Variants in ARHGEF18 observed in about 807,000 individuals in gnomAD.
The protein encoded by ARHGEF18 is Rho/Rac guanine nucleotide exchange factor 18.
In ARHGEF18, 93 loss-of-function variants were observed where a neutral mutation model predicts 155.7. The observed-to-expected ratio is 0.60, with a 90% CI of 0.50 to 0.71. The LOEUF is 0.71. ARHGEF18 is among the 30% of genes least tolerant of loss of function. ARHGEF18 has a pLI of 0.00. For missense variants in ARHGEF18, 1,593 were observed against 1,816.1 expected, an observed-to-expected ratio of 0.88 and a Z score of 2.23; for synonymous variants, 742 against 753.1, an observed-to-expected ratio of 0.99 and a Z score of 0.24.
In ARHGEF18 at chr19:7,382,774, T is replaced by A. The variant is rs1167378514; in HGVS notation, c.723-18T>A. ...GGCCCCTGGCCCCCTCTAGTGGACC[T>A]TCCCTCTCGTCCCTCAGGAGCGAGG... On this transcript the variant is annotated intron_variant, in intron 8 of 28. Transcript: ENST00000668164. 1.6e-6 allele frequency: 2 copies of A among 1,231,926 alleles called. No individual in the cohort carries two copies. The highest frequency in any genetic ancestry group is 2.0e-6 in the Non-Finnish European group (2 of 987,800). 76.3% of individuals were successfully genotyped at this position (1,231,926 alleles called of 1,614,324 possible). A position where few individuals can be genotyped will look rare whatever the true frequency, so the allele number is the denominator to read the frequency against.
chr19:7,376,678 G>A lies in ARHGEF18; in HGVS notation c.462G>A (p.Arg154=). Residue 154 remains arginine (R), a synonymous_variant, in exon 5 of 29, where the codon AGG becomes AGA. Coordinates refer to ENST00000668164, the MANE Select transcript of ARHGEF18 (RefSeq NM_001367823.1). ...CDSPKKRGRS[R]SVPVSFYEIR... is the part of the protein sequence containing the mutation. ...GCCCCAAGAAAAGAGGGAGGTCAAGGTCCGTTCCTGTGTCCTTCTATGAGA... is the reference window on the plus strand; with the variant it reads ...GCCCCAAGAAAAGAGGGAGGTCAAGATCCGTTCCTGTGTCCTTCTATGAGA... 8.1e-7 allele frequency: 1 copy of A among 1,234,458 alleles called. No homozygotes were observed. The highest frequency in any genetic ancestry group is 4.1e-5 in the South Asian group (1 of 24,420). The allele number at this position is 1,234,458 out of a possible 1,614,324, so 76.5% of individuals were successfully genotyped here. A position where few individuals can be genotyped will look rare whatever the true frequency, so the allele number is the denominator to read the frequency against.
chr19:7,379,199 C>G, intron 7 of ARHGEF18, 33 bp downstream of exon 7: 3 of 1,230,338 alleles, frequency 2.4e-6, no homozygotes, highest in Non-Finnish European at 3.0e-6. Context: ...TTGAGGGGAG[C>G]AAAGTGGGAG....
At position 7,462,828 on chromosome 19, in the gene ARHGEF18, T is replaced by C. The variant is rs1976364754; in HGVS notation, c.2635+494T>C. ...CAGCGCCCAGTCTGCTCTTTCTTTT[T>C]TTCTTTTCTTTTTTTTTTTTTTTTT... On this transcript the variant is annotated intron_variant, in intron 21 of 28. Transcript: ENST00000668164. This position sits in a 1 kb window ranked among gnomAD's most constrained non-coding sequence, Gnocchi z 4.4. 7.5e-6 allele frequency among the ~76,000 whole-genome samples: 1 copy of C among 133,456 alleles called. No individual in the cohort carries two copies. The highest frequency in any genetic ancestry group is 1.5e-5 in the Non-Finnish European group (1 of 65,102). The allele number at this position is 133,456 out of a possible 152,430, so 87.6% of individuals were successfully genotyped here.
rs1358787081 is a variant in ARHGEF18, at chr19:7,451,133, GCTTT to G, written c.1738-13_1738-10del. On this transcript the variant is annotated splice_polypyrimidine_tract_variant and intron_variant, in intron 15 of 28. Transcript: ENST00000668164. ...TTCTGAGATGTTAATACAGGATCTTGCTTTCTGTTTCCTAGAAAATTGGCAACTT... is the reference window on the plus strand; with the variant it reads ...TTCTGAGATGTTAATACAGGATCTTGCTGTTTCCTAGAAAATTGGCAACTT... The G allele has an allele frequency of 1.3e-6, 2 of 1,541,806 alleles. No homozygotes were observed. Among genetic ancestry groups the G allele is most frequent in the South Asian group, 1.1e-5 (1 of 88,752 alleles).
chr19:7,384,365 G>A (rs781674778), intron 10 of ARHGEF18, among the ~76,000 whole-genome samples: 12 of 152,192 alleles, frequency 7.9e-5, no homozygotes, highest in Non-Finnish European at 1.8e-4. Flanking sequence ...GAATCAATGG[G>A]TGAATGAGAT....
At chr19:7,477,259 G>C, downstream of ARHGEF18, 1 of 1,584,036 alleles carries the variant, frequency 6.3e-7, no homozygotes, top group Non-Finnish European at 8.6e-7. Flanking sequence ...ACATGCTGAG[G>C]ATTGAGGAGA....
chr19:7,466,804 CA>C (rs965666634), intron 23 of ARHGEF18, 113 bp from the exon 24 acceptor site: 52,410 of 486,502 alleles, frequency 0.11, 18 homozygotes, highest in Middle Eastern at 0.14. Flanking sequence ...AATTCCGTCT[CA>C]AAAAAAAAAA....
intron 1 of ARHGEF18, among the ~76,000 whole-genome samples, chr19:7,351,390 C>T (rs1307325972): frequency 2.0e-5 from 3 of 152,174 alleles, no homozygotes; most frequent in Admixed American, 1.3e-4. Flanking sequence ...GTGGCACGAT[C>T]TCGGCTCACT....
At chr19:7,358,240 T>TCCATCCATCCAC (rs1568261553) in intron 1 of ARHGEF18, among the ~76,000 whole-genome samples, 33 of 148,862 alleles carry the variant, frequency 2.2e-4, no homozygotes, top group Non-Finnish European at 2.2e-4. Context: ...CATCCATCCA[T>TCCATCCATCCAC]CCACCCATCC....
Position 7,442,477 on chromosome 19 carries a change from C to T in ARHGEF18, c.1360+425C>T, listed in dbSNP as rs138683499. Among the ~76,000 whole-genome samples the T allele has an allele frequency of 2.4e-3, 360 of 152,264 alleles. 3 individuals are homozygous for T. Among genetic ancestry groups the T allele is most frequent in the African/African-American group, 7.9e-3 (330 of 41,544 alleles). On this transcript the variant is annotated intron_variant, in intron 13 of 28. Coordinates refer to ENST00000668164, the MANE Select transcript of ARHGEF18 (RefSeq NM_001367823.1). Reference sequence around the variant, plus strand: ...CTCAATCTCCTGAGCTCAAGTGACCCGCCCGCCTGGGCCTCCCAAACTATT... The same window carrying T: ...CTCAATCTCCTGAGCTCAAGTGACCTGCCCGCCTGGGCCTCCCAAACTATT...
intron 10 of ARHGEF18, among the ~76,000 whole-genome samples, chr19:7,400,625 G>C (rs1971982711): frequency 6.6e-6 from 1 of 152,142 alleles, no homozygotes; most frequent in South Asian, 2.1e-4. Context: ...TTCAGGCCAG[G>C]AGTTCAAGAC....
In ARHGEF18 at chr19:7,444,346, G is replaced by T; in HGVS notation, c.1503G>T (p.Thr501=). The T allele has an allele frequency of 1.2e-6, 2 of 1,613,584 alleles. No individual in the cohort carries two copies. Among genetic ancestry groups the T allele is most frequent in the South Asian group, 1.1e-5 (1 of 91,088 alleles). Reference sequence around the variant, plus strand: ...CATGCGCTGACGACCTGCTGGAGACGCACAGCCACTTCCTCGCTCGGCTCA... The same window carrying T: ...CATGCGCTGACGACCTGCTGGAGACTCACAGCCACTTCCTCGCTCGGCTCA... ...LFPCADDLLE[T]HSHFLARLKE... is the part of the protein sequence containing the mutation. Residue 501 remains threonine (T), a synonymous_variant, in exon 14 of 29, where the codon ACG becomes ACT. Transcript: ENST00000668164. This position sits in a 1 kb window ranked among gnomAD's most constrained non-coding sequence, Gnocchi z 4.7.
chr19:7,386,151 C>T lies in ARHGEF18; in HGVS notation c.967+2948C>T, dbSNP rs1218667230. 3.3e-5 allele frequency among the ~76,000 whole-genome samples: 5 copies of T among 149,710 alleles called. No individual in the cohort carries two copies. In the Admixed American group the frequency reaches 3.4e-4, roughly 10 times the overall value. On this transcript the variant is annotated intron_variant, in intron 10 of 28. Transcript: ENST00000668164. ...CCTCCCACCTCAGCCTCACAAATAC[C>T]TGGGACCACATGCATATATAACCAC...
At chr19:7,417,788 C>A (rs114935070) in intron 10 of ARHGEF18, among the ~76,000 whole-genome samples, 1,524 of 151,932 alleles carry the variant, frequency 0.01, 17 homozygotes, top group African/African-American at 0.021. Context: ...TGGAGGAGGC[C>A]GGGGTGGGTG....
chr19:7,355,617 G>A (rs748804135), intron 1 of ARHGEF18: 223 of 985,292 alleles, frequency 2.3e-4, no homozygotes, highest in Non-Finnish European at 2.6e-4. Context: ...TCACACGCAC[G>A]CATGGCCCCC....
Position 7,467,273 on chromosome 19 carries a change from G to T in ARHGEF18, c.3069G>T (p.Arg1023=). Residue 1023 remains arginine, a synonymous_variant, in exon 26 of 29, where the codon CGG becomes CGT. Coordinates refer to ENST00000668164, the MANE Select transcript of ARHGEF18 (RefSeq NM_001367823.1). ...CGCAGCGGGCTGCCATCCAGGAGCG[G>T]GAGAAGCAGTTCCGGCTGCAGTCGA... is the stretch of plus-strand genomic sequence containing the variant. ...VETQRAAIQE[R]EKQFRLQSTR... is the part of the protein sequence containing the mutation. 1 of 1,557,782 alleles carries T rather than the reference G, an allele frequency of 6.4e-7. No individual in the cohort carries two copies.
At chr19:7,397,506 G>C (rs112634049) in intron 10 of ARHGEF18, among the ~76,000 whole-genome samples, 3,415 of 151,926 alleles carry the variant, frequency 0.022, 134 homozygotes, top group African/African-American at 0.075. Context: ...CCCGGGGGGG[G>C]GCAGATCACG....
At chr19:7,400,834 C>CTAAA (rs775333994) in intron 10 of ARHGEF18, among the ~76,000 whole-genome samples, 5 of 152,004 alleles carry the variant, frequency 3.3e-5, no homozygotes, top group Non-Finnish European at 7.4e-5. Flanking sequence ...GACCCTATCT[C>CTAAA]TAAATAAATA....
chr19:7,453,010 A>C (rs376608033), intron 16 of ARHGEF18, among the ~76,000 whole-genome samples: 102 of 151,888 alleles, frequency 6.7e-4, no homozygotes, highest in African/African-American at 2.4e-3. Context: ...AGCCTGGCCA[A>C]CATAGTGAAA....
Sources: gnomAD v4.1 joint callset for allele counts (sites outside exome capture counted in the v4.1 genomes callset) on GRCh38, gnomAD v4.1.1 for gene constraint, Gnocchi (gnomAD v3.1) non-coding constraint, MANE v1.5 for transcripts, NCBI Gene and HGNC (gene_info 2026-07-23, HGNC 2026-07-21) for gene names.